CDH12: variants seen among roughly 807,000 people sequenced by gnomAD.
The protein encoded by CDH12 is cadherin 12.
CDH12 carries 41 observed loss-of-function variants against 74.1 expected under a neutral mutation model. That is an observed-to-expected ratio of 0.55 (90% CI 0.43 to 0.72). The LOEUF is 0.72. Among genes scored for constraint, CDH12 ranks in the 30% least tolerant of loss-of-function variants. The pLI is 0.00. For missense variants in CDH12, 945 were observed against 977.2 expected (o/e 0.97, Z 0.44); for synonymous variants, 399 against 355.0 (o/e 1.12, Z -1.39).
intron 2 of CDH12, among the ~76,000 whole-genome samples, chr5:22,414,076 A>T (rs1484551117): frequency 1.3e-5 from 2 of 152,054 alleles, no homozygotes; most frequent in Non-Finnish European, 2.9e-5. Context: ...ACATAACTGA[A>T]CATATTTCAC....
At position 22,595,149 on chromosome 5, in the gene CDH12, A is replaced by C. The variant is rs369683350; in HGVS notation, c.-522-89785T>G. 3.1e-4 allele frequency among the ~76,000 whole-genome samples: 47 copies of C among 152,340 alleles called. No homozygotes were observed. The East Asian group carries it at 5.6e-3, about 18-fold the overall frequency. On this transcript the variant is annotated intron_variant, in intron 1 of 14. Transcript: ENST00000382254. ...TATTAAATATAAACATATTTAAACAAAATTGTTATTCCTTTATACACTATA... is the reference window on the plus strand; with the variant it reads ...TATTAAATATAAACATATTTAAACACAATTGTTATTCCTTTATACACTATA...
chr5:21,896,635 T>C (rs1050090627), intron 6 of CDH12, among the ~76,000 whole-genome samples: 1 of 149,628 alleles, frequency 6.7e-6, no homozygotes, highest in Non-Finnish European at 1.5e-5. Flanking sequence ...TAAACAAGTA[T>C]AGTTTTGCTG....
At chr5:22,285,892 C>T (rs1737112381) in intron 3 of CDH12, among the ~76,000 whole-genome samples, 3 of 151,974 alleles carry the variant, frequency 2.0e-5, no homozygotes, top group African/African-American at 7.2e-5. Flanking sequence ...AAGTGAACTC[C>T]CTGCTTCATG....
At chr5:22,262,683 A>G (rs1334383271) in intron 3 of CDH12, among the ~76,000 whole-genome samples, 2 of 151,378 alleles carry the variant, frequency 1.3e-5, no homozygotes, top group Non-Finnish European at 2.9e-5. Context: ...TCCCTGAGGA[A>G]TCGCCACACT....
chr5:21,991,344 C>T (rs931150957), intron 5 of CDH12, among the ~76,000 whole-genome samples: 1 of 151,484 alleles, frequency 6.6e-6, no homozygotes, highest in African/African-American at 2.4e-5. Context: ...TCACAATGAA[C>T]TAATAACTAC....
chr5:22,026,737 C>A (rs890841779), intron 5 of CDH12, among the ~76,000 whole-genome samples: 7 of 152,074 alleles, frequency 4.6e-5, no homozygotes, highest in Non-Finnish European at 7.4e-5. Context: ...GTGCCTCATT[C>A]TTTTGAGCAC....
chr5:21,938,588 G>T (rs1008394473), intron 6 of CDH12, among the ~76,000 whole-genome samples: 5 of 149,348 alleles, frequency 3.3e-5, no homozygotes, highest in Admixed American at 6.7e-5. Flanking sequence ...CTGAAGAAGG[G>T]TTAAATAAAT....
intron 4 of CDH12, among the ~76,000 whole-genome samples, chr5:22,087,558 C>A (rs1258282021): frequency 6.6e-6 from 1 of 151,996 alleles, no homozygotes; most frequent in Admixed American, 6.6e-5. Flanking sequence ...GGAGAATTGC[C>A]TGAACCCAGA....
chr5:22,408,574 C>T (rs1057276661), intron 2 of CDH12, among the ~76,000 whole-genome samples: 3 of 149,922 alleles, frequency 2.0e-5, no homozygotes, highest in Admixed American at 6.7e-5. Flanking sequence ...TTTATATATG[C>T]ATATTATTAT....
chr5:21,933,873 T>C (rs1561310001), intron 6 of CDH12, among the ~76,000 whole-genome samples: 1 of 152,202 alleles, frequency 6.6e-6, no homozygotes, highest in African/African-American at 2.4e-5. Context: ...CGTGGCAGTG[T>C]ACTCCCCTGT....
intron 3 of CDH12, among the ~76,000 whole-genome samples, chr5:22,229,989 A>C (rs1357165901): frequency 6.6e-6 from 1 of 152,154 alleles, no homozygotes; most frequent in Non-Finnish European, 1.5e-5. Context: ...GACGTCTATT[A>C]ATAAATAGTG....
At chr5:21,998,256 T>C (rs2150141582) in intron 5 of CDH12, among the ~76,000 whole-genome samples, 1 of 152,266 alleles carries the variant, frequency 6.6e-6, no homozygotes, top group South Asian at 2.1e-4. Context: ...CTTTTGGTCA[T>C]GTAGAAGAAA....
At chr5:21,773,102 G>T (rs909565663) in intron 11 of CDH12, among the ~76,000 whole-genome samples, 1 of 152,020 alleles carries the variant, frequency 6.6e-6, no homozygotes, top group African/African-American at 2.4e-5. Context: ...GATGATTATG[G>T]TGATGTTAAT....
intron 1 of CDH12, among the ~76,000 whole-genome samples, chr5:22,608,757 C>T (rs1016452661): frequency 5.9e-5 from 9 of 152,084 alleles, no homozygotes; most frequent in African/African-American, 9.7e-5. Context: ...AGTGAGTTTT[C>T]GTGAGATCTG....
intron 5 of CDH12, among the ~76,000 whole-genome samples, chr5:22,036,149 T>C (rs1341266054): frequency 6.6e-6 from 1 of 152,216 alleles, no homozygotes; most frequent in African/African-American, 2.4e-5. Context: ...TGCAGCTTAC[T>C]GTTTATCAAT....
chr5:21,801,162 A>T (rs1233355038), intron 10 of CDH12, among the ~76,000 whole-genome samples: 1 of 152,210 alleles, frequency 6.6e-6, no homozygotes, highest in African/African-American at 2.4e-5. Context: ...CTGAGATGTC[A>T]CTATATGCAA....
chr5:21,932,774 A>G (rs1754901704), intron 6 of CDH12, among the ~76,000 whole-genome samples: 1 of 151,048 alleles, frequency 6.6e-6, no homozygotes, highest in Non-Finnish European at 1.5e-5. Context: ...TGGCACATGC[A>G]TGTAGTCCCA....
At chr5:22,488,076 G>A (rs1438045739) in intron 2 of CDH12, among the ~76,000 whole-genome samples, 1 of 152,178 alleles carries the variant, frequency 6.6e-6, no homozygotes, top group East Asian at 1.9e-4. Context: ...GTAACTCATA[G>A]GAAAGTACTT....
At chr5:22,526,153 T>C (rs1737267323) in intron 1 of CDH12, among the ~76,000 whole-genome samples, 1 of 152,218 alleles carries the variant, frequency 6.6e-6, no homozygotes, top group Admixed American at 6.5e-5. Context: ...CGGTGTTTTA[T>C]ATATTAACTA....
Sources: gnomAD v4.1 joint callset for allele counts (sites outside exome capture counted in the v4.1 genomes callset) on GRCh38, gnomAD v4.1.1 for gene constraint, MANE v1.5 for transcripts, NCBI Gene and HGNC (gene_info 2026-07-23, HGNC 2026-07-21) for gene names.